Variants in CTNNA2 observed in about 807,000 individuals in gnomAD.
CTNNA2 encodes the protein catenin alpha-2.
CTNNA2 carries 42 observed loss-of-function variants against 101.0 expected under a neutral mutation model. The observed-to-expected ratio is 0.42, with a 90% confidence interval of 0.32 to 0.54. The LOEUF is 0.54. Ranked by LOEUF, CTNNA2 falls within the 20% of genes least tolerant of loss-of-function variation. The pLI, the probability that CTNNA2 is intolerant of heterozygous loss-of-function variation, is 0.14. For missense variants in CTNNA2, 871 were observed against 1,223.1 expected (o/e 0.71, Z 4.29); for synonymous variants, 450 against 456.4 (o/e 0.99, Z 0.18).
intron 3 of CTNNA2, among the ~76,000 whole-genome samples, chr2:79,317,651 G>T (rs549427215): frequency 4.3e-4 from 66 of 151,950 alleles, no homozygotes; most frequent in Non-Finnish European, 5.9e-4. Context: ...CAAAATTTAT[G>T]AAACAATGAA....
chr2:79,523,104 C>G (rs1672208411), intron 1 of CTNNA2: 1 of 297,826 alleles, frequency 3.4e-6, no homozygotes, highest in Non-Finnish European at 6.7e-6. Flanking sequence ...CTAAATATAT[C>G]TAAGCGTTTC....
chr2:80,179,841 G>T (rs1705658816), intron 7 of CTNNA2, among the ~76,000 whole-genome samples: 1 of 152,090 alleles, frequency 6.6e-6, no homozygotes. Flanking sequence ...TACCAGTCAG[G>T]TAGCCAATGT....
At chr2:80,411,958 G>T (rs867204955) in intron 8 of CTNNA2, among the ~76,000 whole-genome samples, 2 of 151,976 alleles carry the variant, frequency 1.3e-5, no homozygotes, top group Non-Finnish European at 2.9e-5. Context: ...TCATCTCACC[G>T]CTGCAGTTAC....
chr2:80,636,901 C>A (rs1412146515), intron 18 of CTNNA2, among the ~76,000 whole-genome samples: 1 of 151,896 alleles, frequency 6.6e-6, no homozygotes, highest in Non-Finnish European at 1.5e-5. Flanking sequence ...GTCTTGACTA[C>A]CCCTTTATTC....
At chr2:79,809,398 T>C (rs1356915532) in intron 3 of CTNNA2, among the ~76,000 whole-genome samples, 1 of 152,226 alleles carries the variant, frequency 6.6e-6, no homozygotes, top group East Asian at 1.9e-4. Flanking sequence ...TAATTTATAC[T>C]TCCACTAACA....
chr2:79,539,874 C>T (rs1039462996), intron 1 of CTNNA2, among the ~76,000 whole-genome samples: 3 of 152,194 alleles, frequency 2.0e-5, no homozygotes, highest in Non-Finnish European at 2.9e-5. Flanking sequence ...TAGAGCTCCT[C>T]CTGCTTAGTG....
At chr2:79,257,156 G>T (rs1482455534) in intron 2 of CTNNA2, among the ~76,000 whole-genome samples, 1 of 152,062 alleles carries the variant, frequency 6.6e-6, no homozygotes, top group Non-Finnish European at 1.5e-5. Context: ...GTTTGAAAAT[G>T]TCCATAGTAA....
At chr2:79,336,177 G>T (rs1209316774) in intron 3 of CTNNA2, among the ~76,000 whole-genome samples, 1 of 152,178 alleles carries the variant, frequency 6.6e-6, no homozygotes, top group Non-Finnish European at 1.5e-5. Context: ...CACACACCAA[G>T]TCAGAAATAT....
rs115064011 is a variant in CTNNA2, at chr2:79,649,601, T to C, written c.-5-1951T>C. On this transcript the variant is annotated intron_variant, in intron 1 of 18. Coordinates refer to ENST00000402739, the MANE Select transcript of CTNNA2 (RefSeq NM_001282597.3). ...GGTGTGTTGCCCAGCGGCAGAATTC[T>C]GTATATGACAGAGCTGCTCTATGGC... Among the ~76,000 whole-genome samples, 1,293 of 152,308 alleles carry C rather than the reference T, an allele frequency of 8.5e-3. 26 individuals carry two copies. Among genetic ancestry groups the C allele is most frequent in the African/African-American group, 0.028 (1,176 of 41,570 alleles).
chr2:80,141,009 G>A (rs1404944618), intron 7 of CTNNA2, among the ~76,000 whole-genome samples: 1 of 152,062 alleles, frequency 6.6e-6, no homozygotes, highest in African/African-American at 2.4e-5. Context: ...CCTTGAAACT[G>A]CCAGTCTGGG....
At chr2:79,291,280 T>G (rs1675803960) in intron 2 of CTNNA2, among the ~76,000 whole-genome samples, 1 of 152,236 alleles carries the variant, frequency 6.6e-6, no homozygotes, top group Non-Finnish European at 1.5e-5. Context: ...TAAAGCAAAG[T>G]ACAGCTGTCA....
chr2:80,250,116 T>C (rs1314556113), intron 7 of CTNNA2, among the ~76,000 whole-genome samples: 1 of 151,942 alleles, frequency 6.6e-6, no homozygotes. Flanking sequence ...CTCAAAGCAC[T>C]TTTTACAACT....
intron 3 of CTNNA2, among the ~76,000 whole-genome samples, chr2:79,833,967 C>T (rs1456328704): frequency 6.6e-6 from 1 of 152,030 alleles, no homozygotes; most frequent in Admixed American, 6.5e-5. Flanking sequence ...TTATAAATTC[C>T]TTGTTCCATT....
chr2:80,240,100 A>C (rs1277898294), intron 7 of CTNNA2, among the ~76,000 whole-genome samples: 1 of 152,158 alleles, frequency 6.6e-6, no homozygotes, highest in Non-Finnish European at 1.5e-5. Context: ...GGCATCCTAC[A>C]TACCTCTTAG....
At chr2:79,700,646 C>T (rs921362218) in intron 2 of CTNNA2, among the ~76,000 whole-genome samples, 1 of 152,116 alleles carries the variant, frequency 6.6e-6, no homozygotes, top group Non-Finnish European at 1.5e-5. Flanking sequence ...ATATTAAGGA[C>T]ATATTCAATG....
At chr2:79,485,470 A>G (rs1188040728) in intron 4 of CTNNA2, among the ~76,000 whole-genome samples, 1 of 152,232 alleles carries the variant, frequency 6.6e-6, no homozygotes, top group Non-Finnish European at 1.5e-5. Flanking sequence ...AAGAAACTCT[A>G]TTTTATACTG....
chr2:79,385,059 A>C (rs1678082313), intron 4 of CTNNA2, among the ~76,000 whole-genome samples: 1 of 152,188 alleles, frequency 6.6e-6, no homozygotes, highest in Non-Finnish European at 1.5e-5. Flanking sequence ...AATGTCCATG[A>C]CTTACTTGCT....
At chr2:79,943,245 GT>G (rs1402896517) in intron 7 of CTNNA2, among the ~76,000 whole-genome samples, 2 of 151,762 alleles carry the variant, frequency 1.3e-5, no homozygotes, top group Non-Finnish European at 2.9e-5. Flanking sequence ...AGAACACTTA[GT>G]TCATAAAACA....
At position 80,555,823 on chromosome 2, in the gene CTNNA2, G is replaced by A. The variant is rs905820071; in HGVS notation, c.1671G>A (p.Glu557=). 3 of 1,596,446 alleles carry A rather than the reference G, an allele frequency of 1.9e-6. No individual in the cohort carries two copies. Among genetic ancestry groups the A allele is most frequent in the Non-Finnish European group, 2.6e-6 (3 of 1,172,022 alleles). The change falls in exon 12 of 19, where the codon GAG becomes GAA. Residue 557 remains glutamate (E), a synonymous_variant. Coordinates refer to ENST00000402739, the MANE Select transcript of CTNNA2 (RefSeq NM_001282597.3). ...AARVIHIINA[E]MENYEAGVYT... ...GAGTCATACACATCATCAATGCTGA[G>A]ATGGAGAACTATGAAGCTGGGGTTT...
Sources: gnomAD v4.1 joint callset for allele counts (sites outside exome capture counted in the v4.1 genomes callset) on GRCh38, gnomAD v4.1.1 for gene constraint, MANE v1.5 for transcripts, NCBI Gene and HGNC (gene_info 2026-07-23, HGNC 2026-07-21) for gene names.